R3HCC1: variants seen among roughly 807,000 people sequenced by gnomAD.
The protein encoded by R3HCC1 is R3H and coiled-coil domain-containing protein 1.
R3HCC1 carries 32 observed loss-of-function variants against 40.0 expected under a neutral mutation model. The ratio of observed to expected loss-of-function variants is 0.80; its 90% CI spans 0.60 to 1.07. The LOEUF is 1.07. Among genes scored for constraint, R3HCC1 ranks in the 50% least tolerant of loss-of-function variants. The pLI is 0.00. For synonymous variants in R3HCC1, 237 were observed against 232.8 expected (o/e 1.02, Z -0.17); for missense variants, 586 against 563.3 (o/e 1.04, Z -0.41).
rs79340865 is a variant in R3HCC1, at chr8:23,289,885, C to T, written c.268C>T (p.Leu90Phe). 1 of 1,521,924 alleles carries T rather than the reference C, an allele frequency of 6.6e-7. No individual in the cohort carries two copies. Among genetic ancestry groups the T allele is most frequent in the Non-Finnish European group, 8.8e-7 (1 of 1,138,474 alleles). 94.3% of individuals were successfully genotyped at this position (1,521,924 alleles called of 1,614,324 possible). A position where few individuals can be genotyped will look rare whatever the true frequency, so the allele number is the denominator to read the frequency against. Reference sequence around the variant, plus strand: ...CTCCAGGGTACCCAGTTCGGATGGCCTCTCTGGCCCCTGCCGCGCTCCTGC... The same window carrying T: ...CTCCAGGGTACCCAGTTCGGATGGCTTCTCTGGCCCCTGCCGCGCTCCTGC... The change falls in exon 4 of 8, where the codon CTC becomes TTC. Residue 90 changes from leucine to phenylalanine, a missense_variant. Coordinates refer to ENST00000265806, the MANE Select transcript of R3HCC1 (RefSeq NM_001136108.3).
intron 6 of R3HCC1, 56 bp downstream of exon 6, chr8:23,293,429 C>A: frequency 7.3e-7 from 1 of 1,363,668 alleles, no homozygotes; most frequent in Non-Finnish European, 1.0e-6. Context: ...AGAGGGAGGA[C>A]CCTTGGTTCC....
At position 23,296,211 on chromosome 8, in the gene R3HCC1, G is replaced by A; in HGVS notation, c.*114G>A. The A allele has an allele frequency of 8.0e-7, 1 of 1,242,348 alleles. No homozygotes were observed. Among genetic ancestry groups the A allele is most frequent in the Non-Finnish European group, 1.1e-6 (1 of 924,212 alleles). The allele number at this position is 1,242,348 out of a possible 1,614,324, so 77.0% of individuals were successfully genotyped here. A position where few individuals can be genotyped will look rare whatever the true frequency, so the allele number is the denominator to read the frequency against. ...CGCACCACCCTCGAGCTTCACCATGGGGTGTGGTGGGCTTTAGTTTAGTCC... is the reference window on the plus strand; with the variant it reads ...CGCACCACCCTCGAGCTTCACCATGAGGTGTGGTGGGCTTTAGTTTAGTCC... On this transcript the variant is annotated 3_prime_UTR_variant, in exon 8 of 8. Transcript: ENST00000265806.
In R3HCC1 at chr8:23,293,383, C is replaced by T; in HGVS notation, c.1096+10C>T. On this transcript the variant is annotated intron_variant, in intron 6 of 7. Coordinates refer to ENST00000265806, the MANE Select transcript of R3HCC1 (RefSeq NM_001136108.3). ...CCCTGCCTGGCCTCAGGTAAGGCAC[C>T]CCCAGTGGGCCCAGCCCTTGCTCGG... The T allele has an allele frequency of 6.5e-7, 1 of 1,546,514 alleles. No individual in the cohort carries two copies. Among genetic ancestry groups the T allele is most frequent in the Non-Finnish European group, 8.8e-7 (1 of 1,142,708 alleles).
At chr8:23,291,607 T>C in intron 5 of R3HCC1, 74 bp downstream of exon 5, 3 of 1,526,536 alleles carry the variant, frequency 2.0e-6, no homozygotes, top group Admixed American at 4.0e-5. Context: ...GGTGCTTGCC[T>C]GCCCCACACC....
rs1802820789 is a variant in R3HCC1, at chr8:23,289,848, C to G, written c.249-18C>G. On this transcript the variant is annotated intron_variant, in intron 3 of 7. Transcript: ENST00000265806. ...GGCCCCTACACACTCTGATTACCTC[C>G]TCCCATTCCTGCTCCAGGGTACCCA... 3 of 1,483,888 alleles carry G rather than the reference C, an allele frequency of 2.0e-6. No individual in the cohort carries two copies. Among genetic ancestry groups the G allele is most frequent in the South Asian group, 2.7e-5 (2 of 75,422 alleles). The allele number at this position is 1,483,888 out of a possible 1,614,324, so 91.9% of individuals were successfully genotyped here.
chr8:23,294,894 A>C (rs1802959734), intron 7 of R3HCC1, 30 bp downstream of exon 7: 1 of 1,481,420 alleles, frequency 6.8e-7, no homozygotes, highest in Non-Finnish European at 9.2e-7. Flanking sequence ...CTGAATAGGG[A>C]GGCTGTGTGT....
chr8:23,291,427 G>C lies in R3HCC1; in HGVS notation c.919G>C (p.Val307Leu). The C allele has an allele frequency of 1.3e-6, 2 of 1,551,076 alleles. No individual in the cohort carries two copies. Among genetic ancestry groups the C allele is most frequent in the Non-Finnish European group, 1.7e-6 (2 of 1,146,734 alleles). ...GATCCATTTGGACACATCCTCCTTC[G>C]TGGAGGAGCTGCCTGGAGAGAAGGA... The change falls in exon 5 of 8, where the codon GTG becomes CTG. Residue 307 changes from valine (V) to leucine (L), a missense_variant. Coordinates refer to ENST00000265806, the MANE Select transcript of R3HCC1 (RefSeq NM_001136108.3).
chr8:23,295,682 G>T (rs1802994929), intron 7 of R3HCC1: 3 of 522,276 alleles, frequency 5.7e-6, no homozygotes, highest in Non-Finnish European at 1.0e-5. Context: ...ACCCTAAAAA[G>T]CAGGGAGGTG....
intron 5 of R3HCC1, 24 bp from the exon 6 acceptor site, chr8:23,293,279 G>T: frequency 6.5e-7 from 1 of 1,544,210 alleles, no homozygotes. Context: ...TCCTGAATGT[G>T]CTGTCTCCTC....
chr8:23,296,104 GA>G lies in R3HCC1; in HGVS notation c.*8del. On this transcript the variant is annotated 3_prime_UTR_variant, in exon 8 of 8. Transcript: ENST00000265806. ...GGGTCCGCTGCCGCCCTGAGGCCTG[GA>G]GACCCAACTGGCCTGGATCTGCGTC... 1 of 1,548,050 alleles carries G rather than the reference GA, an allele frequency of 6.5e-7. No homozygotes were observed. The highest frequency in any genetic ancestry group is 8.7e-7 in the Non-Finnish European group (1 of 1,145,894).
Position 23,293,385 on chromosome 8 carries a change from C to G in R3HCC1, c.1096+12C>G. 2 of 1,546,248 alleles carry G rather than the reference C, an allele frequency of 1.3e-6. No individual in the cohort carries two copies. The highest frequency in any genetic ancestry group is 2.4e-5 in the East Asian group (1 of 40,858). ...CTGCCTGGCCTCAGGTAAGGCACCC[C>G]CAGTGGGCCCAGCCCTTGCTCGGAT... On this transcript the variant is annotated intron_variant, in intron 6 of 7. Coordinates refer to ENST00000265806, the MANE Select transcript of R3HCC1 (RefSeq NM_001136108.3).
At chr8:23,292,293 C>T (rs1366388517) in intron 5 of R3HCC1, among the ~76,000 whole-genome samples, 3 of 152,092 alleles carry the variant, frequency 2.0e-5, no homozygotes, top group Non-Finnish European at 4.4e-5. Context: ...GTGCCCAGCT[C>T]TGCCTAGGCT....
At chr8:23,294,384 C>T (rs1479551615) in intron 6 of R3HCC1, among the ~76,000 whole-genome samples, 3 of 152,218 alleles carry the variant, frequency 2.0e-5, no homozygotes, top group African/African-American at 2.4e-5. Context: ...GCTGCAACAC[C>T]AGGCATGACT....
At chr8:23,295,356 G>A (rs1398982623) in intron 7 of R3HCC1, 2 of 411,946 alleles carry the variant, frequency 4.9e-6, no homozygotes, top group Non-Finnish European at 9.6e-6. Flanking sequence ...TCTTCAGTCT[G>A]AAGGATTGAA....
rs750253218 is a variant in R3HCC1 at position 23,290,019 on chromosome 8, C to T, written c.402C>T (p.Asp134=). 25 of 1,540,298 alleles carry T rather than the reference C, an allele frequency of 1.6e-5. No homozygotes were observed. Among genetic ancestry groups the T allele is most frequent in the Non-Finnish European group, 2.1e-5 (24 of 1,146,904 alleles). Residue 134 remains aspartate (D), a synonymous_variant, in exon 4 of 8, where the codon GAC becomes GAT. Transcript: ENST00000265806. ...GGTGGTATCGTGGACGCAAGCCTGA[C>T]CAGCCTTTGTATGTGCCCCGGGTGC...
At chr8:23,293,186 C>G in intron 5 of R3HCC1, 117 bp from the exon 6 acceptor site, 1 of 757,358 alleles carries the variant, frequency 1.3e-6, no homozygotes, top group Non-Finnish European at 2.2e-6. Flanking sequence ...GAGATGGGAC[C>G]TTGCCTCAGG....
chr8:23,294,749 C>T lies in R3HCC1; in HGVS notation c.1097-20C>T, dbSNP rs748180861. The T allele has an allele frequency of 1.4e-4, 219 of 1,545,546 alleles. No homozygotes were observed. The highest frequency in any genetic ancestry group is 1.8e-4 in the Non-Finnish European group (205 of 1,142,372). On this transcript the variant is annotated intron_variant, in intron 6 of 7. Coordinates refer to ENST00000265806, the MANE Select transcript of R3HCC1 (RefSeq NM_001136108.3). ...TCCTGAGGAGGAGGGAGTGGCTCCA[C>T]GCCTGCTTTCTTTCCACAGCTGCGG...
intron 6 of R3HCC1, among the ~76,000 whole-genome samples, chr8:23,293,812 C>T (rs898961819): frequency 6.6e-6 from 1 of 152,150 alleles, no homozygotes; most frequent in African/African-American, 2.4e-5. Context: ...CATTGTACAG[C>T]TGGAGAGACT....
chr8:23,289,772 C>A, intron 3 of R3HCC1, 94 bp from the exon 4 acceptor site: 4 of 1,427,968 alleles, frequency 2.8e-6, no homozygotes, highest in Non-Finnish European at 3.7e-6. Flanking sequence ...TAATGCTGAC[C>A]CGAATGTCTC....
Sources: gnomAD v4.1 joint callset for allele counts (sites outside exome capture counted in the v4.1 genomes callset) on GRCh38, gnomAD v4.1.1 for gene constraint, MANE v1.5 for transcripts, NCBI Gene and HGNC (gene_info 2026-07-23, HGNC 2026-07-21) for gene names.